Variants in CNTNAP2 observed in about 807,000 individuals in gnomAD.
The protein encoded by CNTNAP2 is contactin-associated protein-like 2.
In CNTNAP2, 98 loss-of-function variants were observed where a neutral mutation model predicts 155.2. The ratio of observed to expected loss-of-function variants is 0.63; its 90% confidence interval spans 0.54 to 0.75. The LOEUF (loss-of-function observed/expected upper bound fraction) is 0.75. CNTNAP2 is among the 30% of genes least tolerant of loss of function. The pLI, the probability that CNTNAP2 is intolerant of heterozygous loss-of-function variation, is 0.00. For synonymous variants in CNTNAP2, 651 were observed against 631.2 expected, an observed-to-expected ratio of 1.03 and a Z score of -0.47; for missense variants, 1,727 against 1,688.1, an observed-to-expected ratio of 1.02 and a Z score of -0.40.
intron 9 of CNTNAP2, 100 bp downstream of exon 9, chr7:147,300,390 CAGT>C: frequency 7.6e-7 from 1 of 1,314,548 alleles, no homozygotes; most frequent in Non-Finnish European, 1.1e-6. Flanking sequence ...TCAACTGACT[CAGT>C]AGATCTCATG....
intron 1 of CNTNAP2, among the ~76,000 whole-genome samples, chr7:146,490,386 A>T (rs1174526346): frequency 6.6e-6 from 1 of 152,228 alleles, no homozygotes; most frequent in Non-Finnish European, 1.5e-5. Flanking sequence ...TATGCTAAGT[A>T]TTGGTAAGTT....
chr7:147,948,887 C>A, intron 14 of CNTNAP2, among the ~76,000 whole-genome samples: 1 of 151,956 alleles, frequency 6.6e-6, no homozygotes, highest in East Asian at 1.9e-4. Flanking sequence ...CAGTAAGCTA[C>A]ACAAAAGAAA....
intron 1 of CNTNAP2, among the ~76,000 whole-genome samples, chr7:146,607,391 G>A (rs1352803811): frequency 6.6e-6 from 1 of 151,986 alleles, no homozygotes; most frequent in African/African-American, 2.4e-5. Context: ...CTTCACACAC[G>A]AATGGGCATT....
At chr7:146,123,151 A>T (rs1290776904) in intron 1 of CNTNAP2, among the ~76,000 whole-genome samples, 1 of 152,174 alleles carries the variant, frequency 6.6e-6, no homozygotes, top group Non-Finnish European at 1.5e-5. Flanking sequence ...TGAAGATCAC[A>T]TATTTTGGGT....
intron 13 of CNTNAP2, among the ~76,000 whole-genome samples, chr7:147,798,809 G>C (rs893066217): frequency 1.3e-5 from 2 of 152,094 alleles, no homozygotes; most frequent in African/African-American, 4.8e-5. Context: ...AGTCGATTTT[G>C]GGGGAAGGAA....
chr7:147,930,386 C>T (rs533233544), intron 14 of CNTNAP2, among the ~76,000 whole-genome samples: 3 of 152,186 alleles, frequency 2.0e-5, no homozygotes, highest in South Asian at 4.1e-4. Flanking sequence ...ATAGGATGAA[C>T]AAATGATAAT....
chr7:148,106,202 G>T (rs1585128342), intron 15 of CNTNAP2, among the ~76,000 whole-genome samples: 1 of 152,126 alleles, frequency 6.6e-6, no homozygotes, highest in East Asian at 1.9e-4. Flanking sequence ...GAAGAAAAAT[G>T]CTTGCTTTCA....
chr7:146,219,435 C>G lies in CNTNAP2; in HGVS notation c.97+102462C>G, dbSNP rs1191917387. Among the ~76,000 whole-genome samples, 7 of 152,174 alleles carry G rather than the reference C, an allele frequency of 4.6e-5. No homozygotes were observed. In the East Asian group the frequency reaches 1.2e-3, roughly 25 times the overall value. On this transcript the variant is annotated intron_variant, in intron 1 of 23. Coordinates refer to ENST00000361727, the MANE Select transcript of CNTNAP2 (RefSeq NM_014141.6). ...ATGTGTGGGCTGAGGTAACACTTCACTATAACTAAGTTTCCATTTATCTAA... is the reference window on the plus strand; with the variant it reads ...ATGTGTGGGCTGAGGTAACACTTCAGTATAACTAAGTTTCCATTTATCTAA...
In CNTNAP2 at chr7:147,347,452, A is replaced by G. The variant is rs1318308418; in HGVS notation, c.1498+47162A>G. Among the ~76,000 whole-genome samples, 2 of 48,458 alleles carry G rather than the reference A, an allele frequency of 4.1e-5. 1 individual carries two copies. The highest frequency in any genetic ancestry group is 9.1e-5 in the Non-Finnish European group (2 of 22,086). The allele number at this position is 48,458 out of a possible 152,430, so 31.8% of individuals were successfully genotyped here. A position where few individuals can be genotyped will look rare whatever the true frequency, so the allele number is the denominator to read the frequency against. ...TATATATATATATGCATATATATAT[A>G]TATGCATATATATATATATATATGC... On this transcript the variant is annotated intron_variant, in intron 9 of 23. Transcript: ENST00000361727.
At chr7:146,520,076 T>G (rs1433583404) in intron 1 of CNTNAP2, among the ~76,000 whole-genome samples, 2 of 151,542 alleles carry the variant, frequency 1.3e-5, no homozygotes, top group African/African-American at 4.8e-5. Context: ...TCCCCAATAA[T>G]TAGCCTTGAT....
At chr7:147,863,003 C>T (rs1003026797) in intron 13 of CNTNAP2, among the ~76,000 whole-genome samples, 8 of 152,054 alleles carry the variant, frequency 5.3e-5, no homozygotes, top group East Asian at 1.9e-4. Context: ...CAGAGGTATA[C>T]ATATGCCATG....
At chr7:148,281,141 T>A (rs1027931386) in intron 21 of CNTNAP2, among the ~76,000 whole-genome samples, 4 of 152,142 alleles carry the variant, frequency 2.6e-5, no homozygotes, top group Non-Finnish European at 5.9e-5. Context: ...CCAGTAGAGA[T>A]TAGGAAATAT....
intron 5 of CNTNAP2, among the ~76,000 whole-genome samples, chr7:147,109,689 T>C (rs561985805): frequency 6.6e-6 from 1 of 152,262 alleles, no homozygotes; most frequent in East Asian, 1.9e-4. Flanking sequence ...TGGAGGTTAC[T>C]GTTAATTTCT....
chr7:147,161,802 A>C (rs904297069), intron 8 of CNTNAP2: 7 of 152,288 alleles, frequency 4.6e-5, no homozygotes, highest in Middle Eastern at 3.4e-3. Flanking sequence ...ATTTTATCCC[A>C]GGAGAACCTT....
At chr7:146,585,246 C>T (rs920763651) in intron 1 of CNTNAP2, among the ~76,000 whole-genome samples, 10 of 151,992 alleles carry the variant, frequency 6.6e-5, no homozygotes, top group South Asian at 2.1e-4. Context: ...CTCAGTCTCC[C>T]GAGTAGCTGG....
chr7:148,339,433 T>C (rs1035316847), intron 21 of CNTNAP2: 1 of 152,146 alleles, frequency 6.6e-6, no homozygotes, highest in African/African-American at 2.4e-5. Flanking sequence ...CCACCCCGGG[T>C]TTTGCGTCCT....
At chr7:148,302,273 A>C (rs1797404125) in intron 21 of CNTNAP2, among the ~76,000 whole-genome samples, 1 of 152,248 alleles carries the variant, frequency 6.6e-6, no homozygotes, top group Non-Finnish European at 1.5e-5. Context: ...CAATGAGACC[A>C]GCCAGGGTAA....
intron 11 of CNTNAP2, 124 bp from the exon 12 acceptor site, chr7:147,562,014 C>T (rs2116788953): frequency 7.8e-7 from 1 of 1,278,950 alleles, no homozygotes; most frequent in East Asian, 2.4e-5. Context: ...ACAAAGAACG[C>T]TCTTTCCAGG....
chr7:148,407,182 T>C (rs557015269), intron 22 of CNTNAP2, among the ~76,000 whole-genome samples: 13 of 152,130 alleles, frequency 8.5e-5, no homozygotes, highest in African/African-American at 2.9e-4. Flanking sequence ...ACCAGTTTTA[T>C]TCCCACGGGA....
Sources: gnomAD v4.1 joint callset for allele counts (sites outside exome capture counted in the v4.1 genomes callset) on GRCh38, gnomAD v4.1.1 for gene constraint, MANE v1.5 for transcripts, NCBI Gene and HGNC (gene_info 2026-07-23, HGNC 2026-07-21) for gene names.